MGAT4C: variants seen among roughly 807,000 people sequenced by gnomAD.
MGAT4C encodes the protein MGAT4 family member C, also known as alpha-1,3-mannosyl-glycoprotein 4-beta-N-acetylglucosaminyltransferase C.
Under a neutral mutation model 40.1 loss-of-function variants are expected in MGAT4C, and 19 were observed. That is an observed-to-expected ratio of 0.47 (90% CI 0.33 to 0.70). The LOEUF (loss-of-function observed/expected upper bound fraction) is 0.70, where lower values mean the gene tolerates loss of function less well. MGAT4C is among the 30% of genes least tolerant of loss of function. The pLI is 0.02. For synonymous variants in MGAT4C, 181 were observed against 187.1 expected (o/e 0.97, Z 0.27); for missense variants, 491 against 563.2 (o/e 0.87, Z 1.30).
chr12:86,238,484 T>A (rs1951645635), intron 1 of MGAT4C, among the ~76,000 whole-genome samples: 1 of 152,174 alleles, frequency 6.6e-6, no homozygotes, highest in Admixed American at 6.6e-5. Flanking sequence ...TCAGCTTACA[T>A]GGTTTCAGGG....
At chr12:86,364,020 G>A (rs1404751989) in intron 3 of MGAT4C, among the ~76,000 whole-genome samples, 4 of 149,754 alleles carry the variant, frequency 2.7e-5, no homozygotes, top group Non-Finnish European at 5.9e-5. Context: ...ATACAAAATA[G>A]ATATCTTCAA....
intron 2 of MGAT4C, among the ~76,000 whole-genome samples, chr12:86,504,571 T>C (rs1037527994): frequency 6.6e-6 from 1 of 152,214 alleles, no homozygotes; most frequent in Non-Finnish European, 1.5e-5. Flanking sequence ...CAAGCCAATA[T>C]AAAAGTCCAG....
intron 1 of MGAT4C, among the ~76,000 whole-genome samples, chr12:86,174,110 G>GACAC (rs1158680870): frequency 3.5e-4 from 32 of 92,314 alleles, no homozygotes; most frequent in East Asian, 2.0e-3. Context: ...TACCAAAAAA[G>GACAC]ACACACACAC....
rs1474723099 is a variant in MGAT4C at position 86,284,408 on chromosome 12, C to T, written c.-57+49657G>A. Among the ~76,000 whole-genome samples, 8 of 151,744 alleles carry T rather than the reference C, an allele frequency of 5.3e-5. No individual in the cohort carries two copies. In the East Asian group the frequency reaches 1.5e-3, roughly 29 times the overall value. ...CCTCTTCTAGAAGTAGTGATTTCAC[C>T]TATTTCTAAGATCTAGCCCAGGATA... On this transcript the variant is annotated intron_variant, in intron 4 of 7. Transcript: ENST00000548651.
At chr12:86,061,067 C>T (rs1212387764) in intron 1 of MGAT4C, among the ~76,000 whole-genome samples, 4 of 152,046 alleles carry the variant, frequency 2.6e-5, no homozygotes. Context: ...CAGACACTGT[C>T]TGTGGTGGCT....
At chr12:86,413,083 C>CT (rs1486467221) in intron 3 of MGAT4C, among the ~76,000 whole-genome samples, 5 of 152,028 alleles carry the variant, frequency 3.3e-5, no homozygotes, top group Non-Finnish European at 5.9e-5. Flanking sequence ...TTTTTAACCT[C>CT]TTTTTTCCAA....
chr12:86,179,998 C>T (rs1328254038), intron 1 of MGAT4C, among the ~76,000 whole-genome samples: 1 of 152,226 alleles, frequency 6.6e-6, no homozygotes, highest in Non-Finnish European at 1.5e-5. Context: ...GCTCCCATCA[C>T]AGGCCCAGAG....
At chr12:86,654,338 TG>T (rs68178741) in intron 2 of MGAT4C, among the ~76,000 whole-genome samples, 47,354 of 108,524 alleles carry the variant, frequency 0.44, 9,013 homozygotes, top group Non-Finnish European at 0.56. Context: ...AATAAGTTTG[TG>T]GGGTTTTTTT....
Position 85,973,864 on chromosome 12 carries a change from C to T in MGAT4C, c.*5425G>A, listed in dbSNP as rs1422518911. The T allele has an allele frequency of 6.6e-6, 1 of 150,802 alleles. No individual in the cohort carries two copies. Among genetic ancestry groups the T allele is most frequent in the Non-Finnish European group, 1.5e-5 (1 of 67,078 alleles). The allele number at this position is 150,802 out of a possible 1,614,324, so 9.3% of individuals were successfully genotyped here. ...AAGATATTCAGATCCAGTTATCTGG[C>T]AAATGGTCTCAAACATACATTTCAA... is the stretch of plus-strand genomic sequence containing the variant. On this transcript the variant is annotated 3_prime_UTR_variant, in exon 5 of 5. Coordinates refer to ENST00000611864, the MANE Select transcript of MGAT4C (RefSeq NM_001351288.2).
intron 2 of MGAT4C, among the ~76,000 whole-genome samples, chr12:86,037,394 T>G (rs969856151): frequency 1.3e-5 from 2 of 150,236 alleles, no homozygotes; most frequent in Non-Finnish European, 3.0e-5. Context: ...GGTGTCAATT[T>G]TAGATATTTC....
intron 2 of MGAT4C, among the ~76,000 whole-genome samples, chr12:86,495,506 G>C (rs1358569799): frequency 6.6e-6 from 1 of 152,070 alleles, no homozygotes; most frequent in East Asian, 1.9e-4. Flanking sequence ...CATTATGCCT[G>C]TATTTGAAGA....
intron 2 of MGAT4C, among the ~76,000 whole-genome samples, chr12:86,664,612 A>G (rs779452212): frequency 1.3e-5 from 2 of 152,102 alleles, no homozygotes; most frequent in African/African-American, 2.4e-5. Context: ...CCATATAAAA[A>G]TTTGATTTCC....
intron 1 of MGAT4C, among the ~76,000 whole-genome samples, chr12:86,183,175 G>T (rs998689693): frequency 4.6e-5 from 7 of 151,914 alleles, no homozygotes; most frequent in Non-Finnish European, 8.8e-5. Context: ...TATACACTTT[G>T]CATTTCTCTC....
chr12:86,408,116 CT>C (rs1162976162), intron 3 of MGAT4C, among the ~76,000 whole-genome samples: 1 of 151,740 alleles, frequency 6.6e-6, no homozygotes, highest in African/African-American at 2.4e-5. Flanking sequence ...ACACACACAA[CT>C]GCAGAAATGA....
intron 3 of MGAT4C, among the ~76,000 whole-genome samples, chr12:86,430,402 G>A (rs569923655): frequency 1.3e-5 from 2 of 152,190 alleles, no homozygotes; most frequent in African/African-American, 4.8e-5. Flanking sequence ...GTGTTCTCTG[G>A]CAGGGATACA....
intron 2 of MGAT4C, among the ~76,000 whole-genome samples, chr12:86,519,910 C>T (rs1205764079): frequency 2.0e-5 from 3 of 151,928 alleles, no homozygotes; most frequent in African/African-American, 4.8e-5. Context: ...GATGTAATCC[C>T]AATTGTCTAA....
intron 1 of MGAT4C, among the ~76,000 whole-genome samples, chr12:86,789,422 G>A (rs1401749140): frequency 6.6e-6 from 1 of 152,050 alleles, no homozygotes; most frequent in East Asian, 1.9e-4. Flanking sequence ...GTCTTAAAGG[G>A]CAGTTTAATG....
At chr12:86,700,070 T>TAGATAGATAGATAGATA (rs1950330491) in intron 2 of MGAT4C, among the ~76,000 whole-genome samples, 1 of 149,926 alleles carries the variant, frequency 6.7e-6, no homozygotes, top group African/African-American at 2.5e-5. Flanking sequence ...ATAGATAAGA[T>TAGATAGATAGATAGATA]AGATAGATAA....
At chr12:86,482,170 T>C (rs940973786) in intron 2 of MGAT4C, among the ~76,000 whole-genome samples, 4 of 151,780 alleles carry the variant, frequency 2.6e-5, no homozygotes, top group Non-Finnish European at 4.4e-5. Context: ...AAAGTATTCT[T>C]AGACCATTTT....
Sources: allele counts gnomAD v4.1 joint callset (sites outside exome capture counted in the v4.1 genomes callset), GRCh38; gene constraint gnomAD v4.1.1; transcripts MANE v1.5; gene names NCBI Gene and HGNC (gene_info 2026-07-23, HGNC 2026-07-21).